PCBP2: variants seen among roughly 807,000 people sequenced by gnomAD.
PCBP2 encodes the protein poly(rC)-binding protein 2.
PCBP2 carries 4 observed loss-of-function variants against 50.1 expected under a neutral mutation model. The observed-to-expected ratio is 0.08, with a 90% CI of 0.04 to 0.18. PCBP2 has a LOEUF of 0.18. PCBP2 is among the 10% of genes least tolerant of loss of function. The pLI, the probability that PCBP2 is intolerant of heterozygous loss-of-function variation, is 1.00. For missense variants in PCBP2, 161 were observed against 474.3 expected, an observed-to-expected ratio of 0.34 and a Z score of 6.14; for synonymous variants, 179 against 168.0, an observed-to-expected ratio of 1.07 and a Z score of -0.51.
At chr12:53,474,698 G>A (rs1303075919) in intron 14 of PCBP2, among the ~76,000 whole-genome samples, 3 of 152,150 alleles carry the variant, frequency 2.0e-5, no homozygotes, top group African/African-American at 7.2e-5. Flanking sequence ...TTTAGAGGGT[G>A]GGACATAGGC....
chr12:53,462,847 G>C (rs939645706), intron 8 of PCBP2, among the ~76,000 whole-genome samples: 2 of 152,096 alleles, frequency 1.3e-5, no homozygotes, highest in Non-Finnish European at 2.9e-5. Context: ...TTCTCTCCCT[G>C]TCCCCACCCC....
intron 14 of PCBP2, chr12:53,474,947 C>T (rs1477308171): frequency 2.2e-6 from 1 of 456,700 alleles, no homozygotes; most frequent in Non-Finnish European, 4.4e-6. Context: ...TCTCTCAACC[C>T]TCCACCCCTT....
intron 7 of PCBP2, 107 bp downstream of exon 7, chr12:53,461,250 C>T: frequency 3.1e-6 from 4 of 1,277,164 alleles, no homozygotes; most frequent in Non-Finnish European, 4.4e-6. Flanking sequence ...TTAAGGCTTC[C>T]AGTGGGGGTG....
intron 11 of PCBP2, 58 bp from the exon 12 acceptor site, chr12:53,467,747 C>A: frequency 1.5e-6 from 2 of 1,358,314 alleles, no homozygotes; most frequent in Non-Finnish European, 2.1e-6. Flanking sequence ...TAAGGAATAA[C>A]TTGTCCGATA....
At chr12:53,459,233 C>CTTTAATGG in intron 5 of PCBP2, 39 bp from the exon 6 acceptor site, 1 of 1,538,558 alleles carries the variant, frequency 6.5e-7, no homozygotes, top group Non-Finnish European at 8.8e-7. Context: ...TTACTAGTTT[C>CTTTAATGG]CAGGGATCTG....
chr12:53,479,369 T>G, intron 14 of PCBP2, 37 bp from the exon 15 acceptor site: 1 of 1,603,680 alleles, frequency 6.2e-7, no homozygotes, highest in Non-Finnish European at 8.5e-7. Context: ...AGCTGAGCAC[T>G]GGGGAAACTA....
chr12:53,456,153 G>A (rs796716759), intron 5 of PCBP2, 152 bp downstream of exon 5: 5 of 649,160 alleles, frequency 7.7e-6, no homozygotes, highest in South Asian at 3.6e-5. Context: ...CACAAAATTC[G>A]AGCATTTGTA....
At chr12:53,475,445 T>C (rs1164520680) in intron 14 of PCBP2, 1 of 289,810 alleles carries the variant, frequency 3.5e-6, no homozygotes, top group Non-Finnish European at 6.8e-6. Context: ...GAGCCACAGT[T>C]TTCTCTTCTT....
Position 53,480,511 on chromosome 12 carries a change from A to AT in PCBP2, c.*1070dup, listed in dbSNP as rs1942979583. The AT allele has an allele frequency of 6.6e-6, 1 of 152,614 alleles. No individual in the cohort carries two copies. 9.5% of individuals were successfully genotyped at this position (152,614 alleles called of 1,614,324 possible). On this transcript the variant is annotated 3_prime_UTR_variant, in exon 15 of 15. Coordinates refer to ENST00000546463, the MANE Select transcript of PCBP2 (RefSeq NM_031989.5). ...AACAGCTGGGCCTGCATGGAGTGTT[A>AT]TATTTCAAGGTTTTTCACAGGGGTT...
chr12:53,473,898 T>G (rs1942399352), intron 14 of PCBP2, among the ~76,000 whole-genome samples: 1 of 152,184 alleles, frequency 6.6e-6, no homozygotes, highest in Admixed American at 6.5e-5. Context: ...CTGTATCCCT[T>G]TCCTTTATGG....
At chr12:53,477,665 CAAAAAA>C (rs61213286) in intron 14 of PCBP2, among the ~76,000 whole-genome samples, 43 of 52,886 alleles carry the variant, frequency 8.1e-4, no homozygotes, top group East Asian at 1.5e-3. Context: ...GACTCTGTCT[CAAAAAA>C]AAAAAAAAAA....
At chr12:53,455,400 C>T in intron 3 of PCBP2, 30 bp downstream of exon 3, 1 of 1,613,660 alleles carries the variant, frequency 6.2e-7, no homozygotes, top group Non-Finnish European at 8.5e-7. Context: ...ACTTCAATTA[C>T]CATTTAGTAA....
chr12:53,458,463 A>T (rs1390392867), intron 5 of PCBP2, among the ~76,000 whole-genome samples: 1 of 149,862 alleles, frequency 6.7e-6, no homozygotes, highest in Non-Finnish European at 1.5e-5. Context: ...GCATGCCACC[A>T]CACCCAGCTA....
intron 14 of PCBP2, among the ~76,000 whole-genome samples, chr12:53,473,244 C>T (rs1036269771): frequency 3.3e-5 from 5 of 152,044 alleles, no homozygotes; most frequent in South Asian, 2.1e-4. Flanking sequence ...GCCACCACGT[C>T]CAGCTAATTT....
intron 13 of PCBP2, 24 bp downstream of exon 13, chr12:53,468,856 G>A: frequency 1.3e-6 from 2 of 1,568,584 alleles, no homozygotes; most frequent in Non-Finnish European, 1.8e-6. Flanking sequence ...GGTTGCATGG[G>A]ATGAAAATAA....
At position 53,471,264 on chromosome 12, in the gene PCBP2, G is replaced by A. The variant is rs1213454841; in HGVS notation, c.883-374G>A. On this transcript the variant is annotated intron_variant, in intron 13 of 14. Coordinates refer to ENST00000546463, the MANE Select transcript of PCBP2 (RefSeq NM_031989.5). ...GTTTGAGACTAGCCTGAGCAACATA[G>A]CGAGACCCTCGGTTTTTTTTTTTTT... Among the ~76,000 whole-genome samples the A allele has an allele frequency of 1.2e-4, 18 of 151,740 alleles. No individual in the cohort carries two copies. The East Asian group carries it at 2.9e-3, about 24-fold the overall frequency.
intron 1 of PCBP2, among the ~76,000 whole-genome samples, chr12:53,454,186 T>C (rs978462081): frequency 3.3e-5 from 5 of 152,184 alleles, no homozygotes; most frequent in East Asian, 1.9e-4. Flanking sequence ...TCTAAATCTT[T>C]TAGAAATCAT....
chr12:53,463,867 A>G (rs1941622679), intron 8 of PCBP2, among the ~76,000 whole-genome samples: 2 of 152,258 alleles, frequency 1.3e-5, no homozygotes, highest in South Asian at 4.1e-4. Flanking sequence ...GAGGGCAAGC[A>G]TAAACTTGGG....
intron 1 of PCBP2, chr12:53,452,850 G>C (rs1592626585): frequency 6.6e-6 from 1 of 152,014 alleles, no homozygotes; most frequent in East Asian, 1.9e-4. Context: ...CTTTCTAGTC[G>C]AGGGAAGGGG....
Sources: gnomAD v4.1 joint callset for allele counts (sites outside exome capture counted in the v4.1 genomes callset) on GRCh38, gnomAD v4.1.1 for gene constraint, MANE v1.5 for transcripts, NCBI Gene and HGNC (gene_info 2026-07-23, HGNC 2026-07-21) for gene names.